Variants in MAF observed in about 807,000 individuals in gnomAD.
MAF encodes transcription factor Maf.
Under a neutral mutation model 22.0 loss-of-function variants are expected in MAF, and 10 were observed. The ratio of observed to expected loss-of-function variants is 0.45; its 90% CI spans 0.28 to 0.77. The LOEUF (loss-of-function observed/expected upper bound fraction) is 0.77. MAF is among the 30% of genes least tolerant of loss of function. MAF has a pLI of 0.12. For missense variants in MAF, 544 were observed against 548.4 expected (o/e 0.99, Z 0.08); for synonymous variants, 337 against 255.8 (o/e 1.32, Z -3.03).
chr16:79,523,881 C>A, the MAF span, among the ~76,000 whole-genome samples: 1 of 152,202 alleles, frequency 6.6e-6, no homozygotes, highest in Non-Finnish European at 1.5e-5. Flanking sequence ...GATGATCATT[C>A]TTTCAATGTA....
chr16:79,315,999 G>A, the MAF span, among the ~76,000 whole-genome samples: 3 of 152,218 alleles, frequency 2.0e-5, no homozygotes, highest in African/African-American at 7.2e-5. Flanking sequence ...CGAGTTGCTG[G>A]TCCTTGCAAG....
At chr16:79,585,220 C>T (rs918845777), downstream of MAF, among the ~76,000 whole-genome samples, 3 of 152,204 alleles carry the variant, frequency 2.0e-5, 1 homozygote, top group Admixed American at 2.0e-4. Context: ...ATTGAAAACC[C>T]ATTTAAATAG....
chr16:79,540,792 AAAACAGCTATCTTAGGGTTATTTGGG>A, the MAF span, among the ~76,000 whole-genome samples: 1 of 152,220 alleles, frequency 6.6e-6, no homozygotes, highest in Non-Finnish European at 1.5e-5. Context: ...ACATGTGGGG[AAAACAGCTATCTTAGGGTTATTTGGG>A]AAAAGTAAAG....
the MAF span, among the ~76,000 whole-genome samples, chr16:79,316,923 G>A: frequency 6.6e-6 from 1 of 152,204 alleles, no homozygotes; most frequent in Non-Finnish European, 1.5e-5. Flanking sequence ...GTCACTTGAA[G>A]TAAAGCACCT....
chr16:79,371,362 C>A, the MAF span, among the ~76,000 whole-genome samples: 1 of 152,120 alleles, frequency 6.6e-6, no homozygotes. Flanking sequence ...AGTCACAGAG[C>A]CTCCCAGATT....
At chr16:79,509,983 G>A in the MAF span, among the ~76,000 whole-genome samples, 10 of 152,324 alleles carry the variant, frequency 6.6e-5, no homozygotes, top group African/African-American at 1.4e-4. Flanking sequence ...TGAGTTTGCC[G>A]TAGGAAGCAG....
At chr16:79,217,302 G>A in the MAF span, among the ~76,000 whole-genome samples, 1 of 152,162 alleles carries the variant, frequency 6.6e-6, no homozygotes, top group Non-Finnish European at 1.5e-5. Flanking sequence ...AAGCCCATGG[G>A]CCTTCCACTA....
At chr16:79,209,050 C>A in the MAF span, among the ~76,000 whole-genome samples, 50 of 152,064 alleles carry the variant, frequency 3.3e-4, no homozygotes, top group African/African-American at 1.0e-3. Context: ...GTACTGTGTT[C>A]TACAAAGCCA....
the MAF span, among the ~76,000 whole-genome samples, chr16:79,317,094 C>T: frequency 6.6e-6 from 1 of 152,060 alleles, no homozygotes; most frequent in Non-Finnish European, 1.5e-5. Context: ...TCCCTCCTTC[C>T]TCCCTCACTC....
chr16:79,282,425 C>A, the MAF span, among the ~76,000 whole-genome samples: 1 of 152,128 alleles, frequency 6.6e-6, no homozygotes, highest in Middle Eastern at 3.2e-3. Flanking sequence ...GATGTGGGCA[C>A]TAGGGTATCC....
At chr16:79,472,650 A>G in the MAF span, among the ~76,000 whole-genome samples, 27,654 of 151,992 alleles carry the variant, frequency 0.18, 3,002 homozygotes, top group East Asian at 0.44. Context: ...GTTCATGGGT[A>G]TGGAGTTTCC....
At chr16:79,244,622 C>A in the MAF span, among the ~76,000 whole-genome samples, 1 of 152,044 alleles carries the variant, frequency 6.6e-6, no homozygotes, top group African/African-American at 2.4e-5. Context: ...GAATCAATAT[C>A]GTGAAAATGG....
At chr16:79,278,450 T>C in the MAF span, among the ~76,000 whole-genome samples, 1 of 152,206 alleles carries the variant, frequency 6.6e-6, no homozygotes, top group East Asian at 1.9e-4. Flanking sequence ...AAGATTTTTG[T>C]TTTCCCTCCT....
chr16:79,552,318 A>G, the MAF span, among the ~76,000 whole-genome samples: 1 of 151,966 alleles, frequency 6.6e-6, no homozygotes, highest in Non-Finnish European at 1.5e-5. Flanking sequence ...GGCTCAAGCA[A>G]TCGTCCAGCC....
chr16:79,524,004 A>T, the MAF span, among the ~76,000 whole-genome samples: 5 of 152,344 alleles, frequency 3.3e-5, no homozygotes, highest in African/African-American at 1.2e-4. Context: ...CAAGCCATCC[A>T]GTATAAATAG....
chr16:79,333,372 G>C, the MAF span, among the ~76,000 whole-genome samples: 2 of 152,084 alleles, frequency 1.3e-5, no homozygotes, highest in Admixed American at 6.6e-5. Context: ...GGAGATTATA[G>C]GGGACTTTGC....
the MAF span, among the ~76,000 whole-genome samples, chr16:79,464,718 G>A: frequency 6.6e-6 from 1 of 152,108 alleles, no homozygotes; most frequent in Admixed American, 6.5e-5. Context: ...GGGTCAGAGG[G>A]GACTGCTGTT....
chr16:79,549,918 T>C, the MAF span, among the ~76,000 whole-genome samples: 35,167 of 152,074 alleles, frequency 0.23, 4,254 homozygotes, highest in Non-Finnish European at 0.28. Context: ...ACCTCCTAAA[T>C]TGTTCCATTT....
the MAF span, among the ~76,000 whole-genome samples, chr16:79,546,122 C>G: frequency 6.6e-6 from 1 of 151,986 alleles, no homozygotes. Flanking sequence ...TTACCAACAT[C>G]ATCAAAAGGT....
Sources: allele counts gnomAD v4.1 joint callset (sites outside exome capture counted in the v4.1 genomes callset), GRCh38; gene constraint gnomAD v4.1.1; transcripts MANE v1.5; gene names NCBI Gene and HGNC (gene_info 2026-07-23, HGNC 2026-07-21).